The following DST variants were observed in gnomAD, a reference collection of about 807,000 sequenced individuals.
DST encodes bullous pemphigoid antigen.
DST carries 253 observed loss-of-function variants against 875.2 expected under a neutral mutation model. The ratio of observed to expected loss-of-function variants is 0.29; its 90% CI spans 0.26 to 0.32. The LOEUF (loss-of-function observed/expected upper bound fraction) is 0.32. DST is among the 10% of genes least tolerant of loss of function. The probability of loss-of-function intolerance (pLI) is 1.00; values close to 1 mark genes in which losing one functional copy is unlikely to be tolerated. For synonymous variants in DST, 3,124 were observed against 3,197.1 expected, an observed-to-expected ratio of 0.98 and a Z score of 0.77; for missense variants, 8,287 against 9,111.6, an observed-to-expected ratio of 0.91 and a Z score of 3.68.
chr6:56,780,625 A>G (rs1354257774), intron 4 of DST, among the ~76,000 whole-genome samples: 2 of 152,030 alleles, frequency 1.3e-5, no homozygotes, highest in African/African-American at 4.8e-5. Flanking sequence ...TCTGGATATT[A>G]GCCCTTTGTC....
At chr6:56,923,208 CA>C (rs1805161726) in intron 2 of DST, among the ~76,000 whole-genome samples, 1 of 151,816 alleles carries the variant, frequency 6.6e-6, no homozygotes, top group Non-Finnish European at 1.5e-5. Context: ...ATAGGTACCT[CA>C]AAAATTCCCT....
intron 4 of DST, among the ~76,000 whole-genome samples, chr6:56,762,169 C>A (rs140930214): frequency 8.9e-4 from 136 of 152,114 alleles, no homozygotes; most frequent in African/African-American, 3.3e-3. Flanking sequence ...TACAGGTATG[C>A]GCCACCACGC....
At chr6:56,535,653 TAATA>T (rs2096982278) in intron 62 of DST, among the ~76,000 whole-genome samples, 1 of 152,250 alleles carries the variant, frequency 6.6e-6, no homozygotes, top group African/African-American at 2.4e-5. Flanking sequence ...TATTTCCTTC[TAATA>T]AATATCAGAG....
chr6:56,677,414 T>C (rs2099136429), intron 9 of DST, among the ~76,000 whole-genome samples: 1 of 152,134 alleles, frequency 6.6e-6, no homozygotes, highest in Non-Finnish European at 1.5e-5. Flanking sequence ...ACTCCTGGGC[T>C]CAACTGATCC....
At chr6:56,882,533 C>T (rs1468490695) in intron 3 of DST, among the ~76,000 whole-genome samples, 1 of 152,214 alleles carries the variant, frequency 6.6e-6, no homozygotes, top group Non-Finnish European at 1.5e-5. Context: ...AAATCACTGG[C>T]TTGCCTCCCT....
Position 56,601,460 on chromosome 6 carries a change from C to A in DST, c.11524G>T (p.Asp3842Tyr). 6.3e-7 allele frequency: 1 copy of A among 1,595,570 alleles called. No individual in the cohort carries two copies. Among genetic ancestry groups the A allele is most frequent in the South Asian group, 1.1e-5 (1 of 87,996 alleles). The change falls in exon 44 of 104, where the codon GAT becomes TAT. Residue 3842 changes from aspartate to tyrosine, a missense_variant. Around this residue, in one of 10 missense-constraint regions of DST, gnomAD observed 3,138 missense variants for 3,116.6 expected, o/e 1.01. Coordinates refer to ENST00000680361, the MANE Select transcript of DST (RefSeq NM_001374736.1). ...AGGCAAACCTTCTGATCATCAAGAT[C>A]TTGTTCTAGATGTAACTGAGTCTCT... Reference protein sequence around the residue: ...RLETQLHLEQDLDDQKIVAER... With the variant: ...RLETQLHLEQYLDDQKIVAER...
intron 4 of DST, among the ~76,000 whole-genome samples, chr6:56,779,004 C>T (rs939565801): frequency 4.6e-5 from 7 of 152,010 alleles, no homozygotes; most frequent in East Asian, 3.9e-4. Context: ...CCACCAATAG[C>T]GTAAAAGTGT....
chr6:56,870,299 G>A (rs570257338), intron 3 of DST, among the ~76,000 whole-genome samples: 2 of 152,034 alleles, frequency 1.3e-5, no homozygotes, highest in Non-Finnish European at 2.9e-5. Context: ...ATCATCTATC[G>A]CCTGAGAGCA....
intron 69 of DST, among the ~76,000 whole-genome samples, chr6:56,520,586 A>G (rs941908210): frequency 2.0e-5 from 3 of 152,162 alleles, no homozygotes; most frequent in African/African-American, 7.2e-5. Flanking sequence ...TTGTTTCTAC[A>G]GCTGCAGGTG....
At position 56,459,185 on chromosome 6, in the gene DST, A is replaced by C. The variant is rs1427261029; in HGVS notation, c.23277T>G (p.Asp7759Glu). Residue 7759 changes from aspartate (D) to glutamate (E), a missense_variant, in exon 104 of 104, where the codon GAT becomes GAG. Physicochemically the swap from Asp to Glu is conservative, Grantham distance 45. Transcript: ENST00000680361. ...GSRASSRRGS[D>E]ASDFDISEIQ... ...TTTCTGAAATGTCAAAGTCTGATGC[A>C]TCACTGCCTCGGCGGCTGCTGGCCC... 3 of 1,614,030 alleles carry C rather than the reference A, an allele frequency of 1.9e-6. No individual in the cohort carries two copies. The highest frequency in any genetic ancestry group is 2.5e-6 in the Non-Finnish European group (3 of 1,179,900).
In DST at chr6:56,477,429, G is replaced by T. The variant is rs760689511; in HGVS notation, c.21591C>A (p.Gly7197=). Residue 7197 remains glycine, a synonymous_variant, in exon 91 of 104, where the codon GGC becomes GGA. Coordinates refer to ENST00000680361, the MANE Select transcript of DST (RefSeq NM_001374736.1). The part of the protein sequence containing the change: ...RAELNKATTM[G]DTVLAICHPD... ...GGTGGCAGATAGCCAAAACGGTGTC[G>T]CCCATAGTGGTGGCTTTATTTAGTT... 1.2e-6 allele frequency: 2 copies of T among 1,613,876 alleles called. No homozygotes were observed. Among genetic ancestry groups the T allele is most frequent in the Non-Finnish European group, 1.7e-6 (2 of 1,179,848 alleles).
chr6:56,579,230 T>C lies in DST; in HGVS notation c.12904-293A>G, dbSNP rs192323765. Among the ~76,000 whole-genome samples, 29 of 152,268 alleles carry C rather than the reference T, an allele frequency of 1.9e-4. No homozygotes were observed. The East Asian group carries it at 5.4e-3, about 28-fold the overall frequency. ...CTGATCATACAACCCTCTAACTTTA[T>C]ACCCTTAACCCCTACTTCTAGGCTT... On this transcript the variant is annotated intron_variant, in intron 49 of 103. Coordinates refer to ENST00000680361, the MANE Select transcript of DST (RefSeq NM_001374736.1).
intron 3 of DST, among the ~76,000 whole-genome samples, chr6:56,894,630 C>T (rs1445796325): frequency 6.8e-5 from 3 of 44,380 alleles, no homozygotes; most frequent in African/African-American, 5.1e-4. Context: ...CCTCACCTCC[C>T]GGACGGGGCG....
chr6:56,634,043 A>T, intron 27 of DST, 89 bp downstream of exon 27: 1 of 1,488,504 alleles, frequency 6.7e-7, no homozygotes, highest in Non-Finnish European at 9.3e-7. Context: ...ACTCCATCCT[A>T]TTCTAAAGCA....
At chr6:56,892,586 A>G (rs1385324091) in intron 3 of DST, among the ~76,000 whole-genome samples, 1 of 152,060 alleles carries the variant, frequency 6.6e-6, no homozygotes, top group Admixed American at 6.6e-5. Flanking sequence ...TCAGCCTCCC[A>G]AAGTACTGGG....
In DST at chr6:56,604,046, T is replaced by C. The variant is rs1481355717; in HGVS notation, c.10582A>G (p.Ile3528Val). 1.3e-6 allele frequency: 2 copies of C among 1,588,152 alleles called. No homozygotes were observed. The highest frequency in any genetic ancestry group is 1.7e-6 in the Non-Finnish European group (2 of 1,165,198). Residue 3528 changes from isoleucine (I) to valine (V), a missense_variant, in exon 40 of 104, where the codon ATT becomes GTT. Physicochemically the swap from Ile to Val is conservative, Grantham distance 29. Transcript: ENST00000680361. ...TSEMMEEKPH[I>V]LGDIKSKEGN... Reference sequence around the variant, plus strand: ...TCTTTGCTTTTAATATCACCAAGAATATGTGGCTTTTCTTCCATCATCTCA... The same window carrying C: ...TCTTTGCTTTTAATATCACCAAGAACATGTGGCTTTTCTTCCATCATCTCA...
chr6:56,553,557 C>G lies in DST; in HGVS notation c.15235G>C (p.Glu5079Gln). ...FQAWLDTKKE[E>Q]QNKSHPISAK... ...GATATTGGATGAGATTTGTTTTGCT[C>G]TTCTTTCTTTGTATCCAGCCAAGCC... The change falls in exon 61 of 104, where the codon GAG becomes CAG. Residue 5079 changes from glutamate (E) to glutamine (Q), a missense_variant. This residue lies in a region of DST where 1,513 missense variants were observed against 1,677.8 expected (regional missense o/e 0.90). Coordinates refer to ENST00000680361, the MANE Select transcript of DST (RefSeq NM_001374736.1). The G allele has an allele frequency of 6.2e-7, 1 of 1,613,894 alleles. No individual in the cohort carries two copies. The highest frequency in any genetic ancestry group is 8.5e-7 in the Non-Finnish European group (1 of 1,179,878).
At position 56,497,455 on chromosome 6, in the gene DST, G is replaced by C. The variant is rs373240529; in HGVS notation, c.20147C>G (p.Thr6716Arg). The C allele has an allele frequency of 1.2e-6, 2 of 1,613,124 alleles. No homozygotes were observed. Among genetic ancestry groups the C allele is most frequent in the South Asian group, 2.2e-5 (2 of 91,048 alleles). ...IEDLQQWLTDTERHLLASKPL... is the reference protein window; with the variant it reads ...IEDLQQWLTDRERHLLASKPL... Reference sequence around the variant, plus strand: ...TTTAGATGCCAACAGATGACGCTCCGTGTCAGTCAGCCACTGCTGCAAATC... The same window carrying C: ...TTTAGATGCCAACAGATGACGCTCCCTGTCAGTCAGCCACTGCTGCAAATC... The change falls in exon 82 of 104, where the codon ACG (threonine) becomes AGG (arginine). Residue 6716 changes from threonine to arginine, a missense_variant. Around this residue, in one of 10 missense-constraint regions of DST, gnomAD observed 1,292 missense variants for 1,552.7 expected, o/e 0.83. Transcript: ENST00000680361.
chr6:56,644,904 C>G (rs1405457878), intron 15 of DST, among the ~76,000 whole-genome samples: 3 of 152,142 alleles, frequency 2.0e-5, no homozygotes, highest in Non-Finnish European at 4.4e-5. Context: ...GTGGAGATAA[C>G]TGAATCACGG....
Sources: gnomAD v4.1 joint callset for allele counts (sites outside exome capture counted in the v4.1 genomes callset) on GRCh38, gnomAD v4.1.1 for gene constraint, gnomAD v4.1.1 regional missense constraint, MANE v1.5 for transcripts, NCBI Gene and HGNC (gene_info 2026-07-23, HGNC 2026-07-21) for gene names.